LRP1B: variants seen among roughly 807,000 people sequenced by gnomAD.
LRP1B encodes LDL receptor related protein 1B.
In LRP1B, 217 loss-of-function variants were observed where a neutral mutation model predicts 556.6. The observed-to-expected ratio is 0.39, with a 90% CI of 0.35 to 0.44. The LOEUF (loss-of-function observed/expected upper bound fraction) is 0.44. Ranked by LOEUF, LRP1B falls within the 20% of genes least tolerant of loss-of-function variation. LRP1B has a pLI of 1.00. For missense variants in LRP1B, 5,053 were observed against 5,620.8 expected (o/e 0.90, Z 3.23); for synonymous variants, 2,047 against 1,865.8 (o/e 1.10, Z -2.50).
At chr2:141,624,043 A>G (rs1462766646) in intron 2 of LRP1B, among the ~76,000 whole-genome samples, 2 of 149,140 alleles carry the variant, frequency 1.3e-5, no homozygotes, top group Non-Finnish European at 3.0e-5. Context: ...AAACAAAAAA[A>G]AAAAGAAAAG....
rs945391466 is a variant in LRP1B, at chr2:140,970,416, C to T, written c.2887+11744G>A. Reference sequence around the variant, plus strand: ...TCTCTACACTTGTTATTCTAGTTAGCCACTCGTCTAATCTTTTTTCAAGGT... The same window carrying T: ...TCTCTACACTTGTTATTCTAGTTAGTCACTCGTCTAATCTTTTTTCAAGGT... On this transcript the variant is annotated intron_variant, in intron 18 of 90. Coordinates refer to ENST00000389484, the MANE Select transcript of LRP1B (RefSeq NM_018557.3). Among the ~76,000 whole-genome samples, 7 of 152,126 alleles carry T rather than the reference C, an allele frequency of 4.6e-5. 1 individual carries two copies. Among genetic ancestry groups the T allele is most frequent in the Non-Finnish European group, 5.9e-5 (4 of 68,016 alleles).
intron 7 of LRP1B, among the ~76,000 whole-genome samples, chr2:141,069,778 A>T (rs1699583842): frequency 6.6e-6 from 1 of 152,036 alleles, no homozygotes; most frequent in Non-Finnish European, 1.5e-5. Context: ...TAATATCAGA[A>T]CTAAATCTTG....
At chr2:141,187,500 G>T (rs1197937019) in intron 7 of LRP1B, among the ~76,000 whole-genome samples, 1 of 151,992 alleles carries the variant, frequency 6.6e-6, no homozygotes, top group Non-Finnish European at 1.5e-5. Context: ...TAGAATTTCA[G>T]TTTTCAAATC....
At chr2:140,240,193 G>T (rs1338445196) in intron 87 of LRP1B, among the ~76,000 whole-genome samples, 2 of 148,468 alleles carry the variant, frequency 1.3e-5, no homozygotes, top group Non-Finnish European at 3.0e-5. Flanking sequence ...GGGTGAAGAG[G>T]TTCTCTTTCT....
rs2104874591 is a variant in LRP1B at position 140,234,837 on chromosome 2, T to C, written c.13608A>G (p.Thr4536=). 1 of 775,836 alleles carries C rather than the reference T, an allele frequency of 1.3e-6. No individual in the cohort carries two copies. Among genetic ancestry groups the C allele is most frequent in the African/African-American group, 1.7e-5 (1 of 58,804 alleles). 48.1% of individuals were successfully genotyped at this position (775,836 alleles called of 1,614,324 possible). Residue 4536 remains threonine, a synonymous_variant, in exon 90 of 91, where the codon ACA becomes ACG. Transcript: ENST00000389484. ...CAGAGTTTAGGTAGATGGGCGGCGC[T>C]GTGTGTGGAAGCTTGAAAGCACTGG... ...GGPSAFKLPH[T]APPIYLNSDL...
At position 141,162,900 on chromosome 2, in the gene LRP1B, T is replaced by C. The variant is rs534806930; in HGVS notation, c.1013+25521A>G. On this transcript the variant is annotated intron_variant, in intron 7 of 90. Transcript: ENST00000389484. The stretch of plus-strand genomic sequence containing the variant: ...TATGGGTTTTGATTTTCCAGATGCT[T>C]ATAGTATCTCACTTTGAGCAAACTA... Among the ~76,000 whole-genome samples the C allele has an allele frequency of 5.3e-5, 8 of 152,242 alleles. No individual in the cohort carries two copies. In the East Asian group the frequency reaches 1.5e-3, roughly 29 times the overall value.
At chr2:141,079,238 G>A (rs868810267) in intron 7 of LRP1B, among the ~76,000 whole-genome samples, 1 of 152,102 alleles carries the variant, frequency 6.6e-6, no homozygotes, top group Non-Finnish European at 1.5e-5. Flanking sequence ...TAAGAGCTCC[G>A]GGAAAAGGAG....
intron 35 of LRP1B, among the ~76,000 whole-genome samples, chr2:140,762,157 A>G (rs1300455018): frequency 1.3e-5 from 2 of 152,152 alleles, no homozygotes; most frequent in East Asian, 3.9e-4. Context: ...CATAATTACA[A>G]CAAGATTAAA....
At chr2:140,984,773 A>T (rs1696868236) in intron 17 of LRP1B, among the ~76,000 whole-genome samples, 1 of 152,132 alleles carries the variant, frequency 6.6e-6, no homozygotes, top group Non-Finnish European at 1.5e-5. Flanking sequence ...CCCTGAAGAT[A>T]TATGAATTCA....
At chr2:141,829,843 T>A (rs1037967687) in intron 1 of LRP1B, among the ~76,000 whole-genome samples, 1 of 152,012 alleles carries the variant, frequency 6.6e-6, no homozygotes. Flanking sequence ...TTATTATGCC[T>A]CAACTAAATA....
intron 32 of LRP1B, among the ~76,000 whole-genome samples, chr2:140,787,458 C>G (rs1689945193): frequency 6.6e-6 from 1 of 151,662 alleles, no homozygotes; most frequent in Non-Finnish European, 1.5e-5. Context: ...TTCACCTGAT[C>G]CCTTATGGGT....
chr2:141,131,272 T>G (rs1701344909), intron 7 of LRP1B, among the ~76,000 whole-genome samples: 1 of 151,790 alleles, frequency 6.6e-6, no homozygotes, highest in Non-Finnish European at 1.5e-5. Context: ...ATGCTGCTAT[T>G]AAAATGTAAA....
intron 1 of LRP1B, among the ~76,000 whole-genome samples, chr2:141,931,693 T>C (rs1700511615): frequency 6.6e-6 from 1 of 152,004 alleles, no homozygotes; most frequent in Non-Finnish European, 1.5e-5. Flanking sequence ...CCTATTTATG[T>C]GACTGGATTC....
At chr2:140,631,122 G>A (rs907410113) in intron 41 of LRP1B, among the ~76,000 whole-genome samples, 2 of 152,156 alleles carry the variant, frequency 1.3e-5, no homozygotes, top group Non-Finnish European at 2.9e-5. Context: ...AGAGGAAATG[G>A]AAGCTGCTGA....
At chr2:141,085,893 C>T (rs754418599) in intron 7 of LRP1B, among the ~76,000 whole-genome samples, 5 of 152,172 alleles carry the variant, frequency 3.3e-5, no homozygotes, top group Non-Finnish European at 7.4e-5. Flanking sequence ...CCATTCCTTG[C>T]AGACATTGAC....
At chr2:141,973,471 G>T (rs1435447009) in intron 1 of LRP1B, among the ~76,000 whole-genome samples, 1 of 151,716 alleles carries the variant, frequency 6.6e-6, no homozygotes, top group Non-Finnish European at 1.5e-5. Flanking sequence ...AGACCAGAAG[G>T]AAAAGAAAAG....
chr2:141,156,138 AC>A (rs1290057811), intron 7 of LRP1B, among the ~76,000 whole-genome samples: 1 of 152,200 alleles, frequency 6.6e-6, no homozygotes, highest in African/African-American at 2.4e-5. Flanking sequence ...AAACAAAAGC[AC>A]TAACCATAGA....
chr2:140,775,933 T>A (rs1430747787), intron 33 of LRP1B, among the ~76,000 whole-genome samples, 165 bp downstream of exon 33: 1 of 152,200 alleles, frequency 6.6e-6, no homozygotes, highest in African/African-American at 2.4e-5. Context: ...ATTATGCATC[T>A]ATATTAAAGA....
chr2:140,321,778 A>ATTC (rs1573787068), intron 82 of LRP1B, among the ~76,000 whole-genome samples, 185 bp downstream of exon 82: 2 of 152,154 alleles, frequency 1.3e-5, no homozygotes, highest in East Asian at 1.9e-4. Flanking sequence ...TTGTGAATAA[A>ATTC]TGCAGAATGA....
Sources: gnomAD v4.1 joint callset for allele counts (sites outside exome capture counted in the v4.1 genomes callset) on GRCh38, gnomAD v4.1.1 for gene constraint, MANE v1.5 for transcripts, NCBI Gene and HGNC (gene_info 2026-07-23, HGNC 2026-07-21) for gene names.